The following TMEM117 variants were observed in gnomAD, a reference collection of about 807,000 sequenced individuals.
The protein encoded by TMEM117 is transmembrane protein 117.
Under a neutral mutation model 52.4 loss-of-function variants are expected in TMEM117, and 27 were observed. That is an observed-to-expected ratio of 0.51 (90% CI 0.38 to 0.71). The LOEUF is 0.71. TMEM117 is among the 30% of genes least tolerant of loss of function. TMEM117 has a pLI of 0.00. For synonymous variants in TMEM117, 215 were observed against 206.3 expected, an observed-to-expected ratio of 1.04 and a Z score of -0.36; for missense variants, 556 against 630.5, an observed-to-expected ratio of 0.88 and a Z score of 1.26.
chr12:43,938,368 C>A (rs558273110), intron 2 of TMEM117, among the ~76,000 whole-genome samples: 1 of 151,302 alleles, frequency 6.6e-6, no homozygotes, highest in African/African-American at 2.4e-5. Context: ...CCAAATGAGC[C>A]CGAATAGAAT....
chr12:44,077,820 A>G (rs1947406227), intron 3 of TMEM117, among the ~76,000 whole-genome samples: 1 of 152,140 alleles, frequency 6.6e-6, no homozygotes, highest in Admixed American at 6.6e-5. Flanking sequence ...GCATAATTTT[A>G]TTATTCCTTT....
At chr12:43,899,063 G>T (rs966968910) in intron 2 of TMEM117, among the ~76,000 whole-genome samples, 1 of 152,198 alleles carries the variant, frequency 6.6e-6, no homozygotes, top group African/African-American at 2.4e-5. Context: ...TGCAGCCCCT[G>T]CCCTTGCACA....
At chr12:44,273,325 C>A (rs1220140718) in intron 5 of TMEM117, among the ~76,000 whole-genome samples, 1 of 151,874 alleles carries the variant, frequency 6.6e-6, no homozygotes, top group East Asian at 1.9e-4. Context: ...TGGAACAAAC[C>A]TGCATGTTGT....
At chr12:43,902,859 C>A (rs538747235) in intron 2 of TMEM117, among the ~76,000 whole-genome samples, 33 of 151,646 alleles carry the variant, frequency 2.2e-4, no homozygotes, top group Middle Eastern at 3.4e-3. Context: ...GATTAAAACC[C>A]AAGAGTAGCT....
At chr12:43,864,223 G>T (rs1943542771) in intron 2 of TMEM117, among the ~76,000 whole-genome samples, 1 of 152,174 alleles carries the variant, frequency 6.6e-6, no homozygotes, top group Admixed American at 6.5e-5. Context: ...TCCCCGACCA[G>T]CACCTCCCCC....
intron 3 of TMEM117, among the ~76,000 whole-genome samples, chr12:44,090,396 CTTTT>C (rs201492790): frequency 1.3e-4 from 19 of 143,920 alleles, no homozygotes; most frequent in South Asian, 2.2e-4. Context: ...TTTTATCTTA[CTTTT>C]TATTTATTTA....
intron 6 of TMEM117, among the ~76,000 whole-genome samples, chr12:44,345,778 G>T (rs1951478335): frequency 6.6e-6 from 1 of 152,052 alleles, no homozygotes; most frequent in African/African-American, 2.4e-5. Flanking sequence ...ATGTACAGAT[G>T]TAATTAATTC....
chr12:44,297,124 C>T (rs74084475), intron 5 of TMEM117, among the ~76,000 whole-genome samples: 9,232 of 152,180 alleles, frequency 0.061, 409 homozygotes, highest in African/African-American at 0.12. Context: ...TAGAATAGTT[C>T]CTTTATAAAT....
intron 6 of TMEM117, among the ~76,000 whole-genome samples, chr12:44,334,709 C>A (rs145684161): frequency 6.6e-6 from 1 of 151,942 alleles, no homozygotes; most frequent in African/African-American, 2.4e-5. Flanking sequence ...GGATGTAGGA[C>A]GGAATCCTCC....
At chr12:43,940,220 G>A (rs747833738) in intron 2 of TMEM117, among the ~76,000 whole-genome samples, 3 of 152,130 alleles carry the variant, frequency 2.0e-5, no homozygotes, top group Non-Finnish European at 2.9e-5. Context: ...CGGTCTATCT[G>A]ATCCCTGCTT....
At chr12:44,140,506 T>G (rs1194443829) in intron 3 of TMEM117, among the ~76,000 whole-genome samples, 1 of 152,104 alleles carries the variant, frequency 6.6e-6, no homozygotes, top group Non-Finnish European at 1.5e-5. Flanking sequence ...TTCTGGACAG[T>G]TTTTTCTCTT....
chr12:44,369,495 A>G (rs576520915), intron 6 of TMEM117, among the ~76,000 whole-genome samples: 1 of 152,290 alleles, frequency 6.6e-6, no homozygotes, highest in South Asian at 2.1e-4. Context: ...TGACTTCAGA[A>G]TTTTCCAGGA....
At chr12:44,092,676 C>G (rs901507706) in intron 3 of TMEM117, among the ~76,000 whole-genome samples, 5 of 152,014 alleles carry the variant, frequency 3.3e-5, no homozygotes, top group African/African-American at 1.2e-4. Context: ...TATAGAAAAC[C>G]AGACGTCTAC....
chr12:43,839,092 G>C (rs1394454109), intron 1 of TMEM117, among the ~76,000 whole-genome samples: 1 of 152,134 alleles, frequency 6.6e-6, no homozygotes, highest in African/African-American at 2.4e-5. Flanking sequence ...AATTTTATTA[G>C]TTATTTTTGA....
chr12:44,384,227 T>C (rs150559679), intron 7 of TMEM117, among the ~76,000 whole-genome samples: 1 of 152,116 alleles, frequency 6.6e-6, no homozygotes, highest in Admixed American at 6.6e-5. Context: ...ATAAATGAAC[T>C]AGAGGTCATG....
chr12:43,898,413 C>T (rs1356255540), intron 2 of TMEM117, among the ~76,000 whole-genome samples: 1 of 150,150 alleles, frequency 6.7e-6, no homozygotes, highest in Non-Finnish European at 1.5e-5. Context: ...TAATAATACA[C>T]TTCAGGACAT....
At chr12:44,310,951 T>G (rs1247558811) in intron 6 of TMEM117, among the ~76,000 whole-genome samples, 1 of 152,128 alleles carries the variant, frequency 6.6e-6, no homozygotes, top group Non-Finnish European at 1.5e-5. Flanking sequence ...TGGTAATAAG[T>G]GAATGTTTGC....
At chr12:44,398,339 G>A in the TMEM117 span, among the ~76,000 whole-genome samples, 5 of 152,180 alleles carry the variant, frequency 3.3e-5, no homozygotes, top group African/African-American at 4.8e-5. Flanking sequence ...AGCTGGCAGG[G>A]TGTTGTCATT....
intron 3 of TMEM117, chr12:44,010,121 G>A: frequency 2.0e-6 from 1 of 503,064 alleles, no homozygotes; most frequent in Non-Finnish European, 4.0e-6. Context: ...GTATGCATCT[G>A]CCTTCAGCTC....
Sources: allele counts gnomAD v4.1 joint callset (sites outside exome capture counted in the v4.1 genomes callset), GRCh38; gene constraint gnomAD v4.1.1; transcripts MANE v1.5; gene names NCBI Gene and HGNC (gene_info 2026-07-23, HGNC 2026-07-21).